The following CCDC171 variants were observed in gnomAD, a reference collection of about 807,000 sequenced individuals.
CCDC171 encodes coiled-coil domain-containing protein 171.
Under a neutral mutation model 168.2 loss-of-function variants are expected in CCDC171, and 177 were observed. That is an observed-to-expected ratio of 1.05 (90% CI 0.93 to 1.19). The LOEUF (loss-of-function observed/expected upper bound fraction) is 1.19, where lower values mean the gene tolerates loss of function less well. Among genes scored for constraint, CCDC171 ranks in the 50% most tolerant of loss-of-function variants. CCDC171 has a pLI of 0.00. For missense variants in CCDC171, 1,991 were observed against 1,539.0 expected (o/e 1.29, Z -4.91); for synonymous variants, 687 against 540.8 (o/e 1.27, Z -3.75).
At chr9:15,800,538 A>C (rs571419117) in intron 21 of CCDC171, among the ~76,000 whole-genome samples, 1 of 152,176 alleles carries the variant, frequency 6.6e-6, no homozygotes, top group South Asian at 2.1e-4. Context: ...ACAGTTTGCA[A>C]ATATTTTTTC....
At chr9:15,576,476 C>T (rs914639661) in intron 3 of CCDC171, among the ~76,000 whole-genome samples, 6 of 152,104 alleles carry the variant, frequency 3.9e-5, no homozygotes, top group Non-Finnish European at 7.4e-5. Context: ...GAGTGAGCCA[C>T]CGCACCTGGC....
intron 6 of CCDC171, among the ~76,000 whole-genome samples, chr9:15,603,317 T>A (rs551617116): frequency 5.5e-4 from 84 of 152,176 alleles, no homozygotes; most frequent in Non-Finnish European, 1.0e-3. Flanking sequence ...GGTACACATG[T>A]GCCATGGTGG....
At chr9:15,675,187 G>GTTTTTTTTTTTTTTTTTTTTTTT (rs138989790) in intron 9 of CCDC171, among the ~76,000 whole-genome samples, 2 of 75,530 alleles carry the variant, frequency 2.6e-5, no homozygotes, top group Non-Finnish European at 4.5e-5. Context: ...TGCAACTCCT[G>GTTTTTTTTTTTTTTTTTTTTTTT]TTTTTTTTTT....
chr9:16,096,477 A>G, the CCDC171 span, among the ~76,000 whole-genome samples: 1 of 152,190 alleles, frequency 6.6e-6, no homozygotes, highest in Non-Finnish European at 1.5e-5. Flanking sequence ...AGTTAAAAGA[A>G]AGCAAGCTCT....
At chr9:15,788,858 C>A (rs1185645756) in intron 21 of CCDC171, among the ~76,000 whole-genome samples, 1 of 152,058 alleles carries the variant, frequency 6.6e-6, no homozygotes, top group Non-Finnish European at 1.5e-5. Context: ...CAGCCTAAAT[C>A]ATTTCTTTAT....
At chr9:15,557,112 T>C (rs200040049) in intron 1 of CCDC171, among the ~76,000 whole-genome samples, 1 of 152,104 alleles carries the variant, frequency 6.6e-6, no homozygotes, top group Admixed American at 6.5e-5. Flanking sequence ...ATCTGTTTTG[T>C]TACCAGTACC....
rs369967566 is a variant in CCDC171, at chr9:15,623,338, T to C, written c.747T>C (p.Ser249=). ...TAGAAACAGAACATATGGACTGCTC[T>C]GACCTTTTACGGCGACAAACAAGTG... ...EKLETEHMDC[S]DLLRRQTSEL... Residue 249 remains serine (S), a synonymous_variant, in exon 7 of 26, where the codon TCT becomes TCC. Transcript: ENST00000380701. 6.2e-7 allele frequency: 1 copy of C among 1,612,146 alleles called. No individual in the cohort carries two copies.
At chr9:15,750,049 T>TC (rs1311535940) in intron 18 of CCDC171, among the ~76,000 whole-genome samples, 1 of 150,410 alleles carries the variant, frequency 6.6e-6, no homozygotes, top group Non-Finnish European at 1.5e-5. Flanking sequence ...GTTTTTTTTT[T>TC]TAAAAGATCA....
chr9:15,709,606 A>G (rs556793851), intron 11 of CCDC171, among the ~76,000 whole-genome samples: 12 of 152,312 alleles, frequency 7.9e-5, no homozygotes, highest in African/African-American at 2.9e-4. Flanking sequence ...GCCAGATGAG[A>G]TCACTGCTTT....
At chr9:15,669,218 T>C (rs542352132) in intron 9 of CCDC171, among the ~76,000 whole-genome samples, 1 of 152,332 alleles carries the variant, frequency 6.6e-6, no homozygotes, top group African/African-American at 2.4e-5. Flanking sequence ...AATGTATATA[T>C]TCCATAATTC....
chr9:16,079,517 A>C, the CCDC171 span, among the ~76,000 whole-genome samples: 1 of 152,232 alleles, frequency 6.6e-6, no homozygotes, highest in Non-Finnish European at 1.5e-5. Flanking sequence ...AGAGCACCAA[A>C]GATTGGAGTG....
At position 15,671,399 on chromosome 9, in the gene CCDC171, G is replaced by A. The variant is rs532115429; in HGVS notation, c.1076+5076G>A. Reference sequence around the variant, plus strand: ...GTTCTAGGATACATGTATACAACGTGCAGGTTTGTTACATAGGTATACATG... The same window carrying A: ...GTTCTAGGATACATGTATACAACGTACAGGTTTGTTACATAGGTATACATG... On this transcript the variant is annotated intron_variant, in intron 9 of 25. Transcript: ENST00000380701. Among the ~76,000 whole-genome samples, 192 of 151,800 alleles carry A rather than the reference G, an allele frequency of 1.3e-3. 1 individual carries two copies. The highest frequency in any genetic ancestry group is 2.4e-3 in the Non-Finnish European group (163 of 67,924).
At chr9:15,596,520 C>G (rs569159741) in intron 6 of CCDC171, among the ~76,000 whole-genome samples, 1 of 152,184 alleles carries the variant, frequency 6.6e-6, no homozygotes, top group African/African-American at 2.4e-5. Context: ...ATTTTGGTAC[C>G]AGTACCATGC....
intron 18 of CCDC171, among the ~76,000 whole-genome samples, chr9:15,750,595 G>C (rs1403612704): frequency 6.6e-6 from 1 of 150,474 alleles, no homozygotes; most frequent in African/African-American, 2.4e-5. Flanking sequence ...GAATCCAGCA[G>C]CACATCAAAA....
chr9:15,563,240 G>C (rs1206890445), intron 1 of CCDC171, among the ~76,000 whole-genome samples: 2 of 151,418 alleles, frequency 1.3e-5, no homozygotes, highest in Non-Finnish European at 2.9e-5. Flanking sequence ...CCAGGTTCAA[G>C]CAATTCTTCC....
chr9:16,052,046 C>T (rs1833758590), intron 1 of CCDC171, among the ~76,000 whole-genome samples: 1 of 152,208 alleles, frequency 6.6e-6, no homozygotes, highest in South Asian at 2.1e-4. Context: ...TCAATTACCT[C>T]CCACCAAGTC....
At chr9:15,846,607 G>C in intron 21 of CCDC171, 95 bp from the exon 22 acceptor site, 1 of 1,295,998 alleles carries the variant, frequency 7.7e-7, no homozygotes, top group Admixed American at 2.2e-5. Context: ...CTACTTCTCA[G>C]TCAGTCTGTA....
At chr9:15,599,309 G>A (rs1335122368) in intron 6 of CCDC171, among the ~76,000 whole-genome samples, 1 of 152,124 alleles carries the variant, frequency 6.6e-6, no homozygotes, top group Non-Finnish European at 1.5e-5. Flanking sequence ...TCCATGTTTA[G>A]TGCTTCCTTC....
At chr9:15,785,294 C>T (rs780013627) in intron 21 of CCDC171, among the ~76,000 whole-genome samples, 1 of 152,032 alleles carries the variant, frequency 6.6e-6, no homozygotes, top group African/African-American at 2.4e-5. Flanking sequence ...GATTATAAAA[C>T]TTGTGGATTT....
Sources: gnomAD v4.1 joint callset for allele counts (sites outside exome capture counted in the v4.1 genomes callset) on GRCh38, gnomAD v4.1.1 for gene constraint, MANE v1.5 for transcripts, NCBI Gene and HGNC (gene_info 2026-07-23, HGNC 2026-07-21) for gene names.